The following LHCGR variants were observed in gnomAD, a reference collection of about 807,000 sequenced individuals.
LHCGR encodes luteinizing hormone/choriogonadotropin receptor, also known as lutropin-choriogonadotropic hormone receptor.
In LHCGR, 55 loss-of-function variants were observed where a neutral mutation model predicts 60.7. That is an observed-to-expected ratio of 0.91 (90% CI 0.73 to 1.13). The LOEUF is 1.13. LHCGR is among the 50% of genes most tolerant of loss of function. The probability of loss-of-function intolerance (pLI) is 0.00; values close to 1 mark genes in which losing one functional copy is unlikely to be tolerated. For synonymous variants in LHCGR, 337 were observed against 316.5 expected (o/e 1.06, Z -0.69); for missense variants, 862 against 836.0 (o/e 1.03, Z -0.38).
chr2:48,704,013 T>A (rs1237889156), intron 8 of LHCGR, among the ~76,000 whole-genome samples: 1 of 152,212 alleles, frequency 6.6e-6, no homozygotes, highest in Non-Finnish European at 1.5e-5. Context: ...GGTATGATAT[T>A]GGCTGTGGGT....
At chr2:48,706,134 A>G (rs1399954598) in intron 8 of LHCGR, among the ~76,000 whole-genome samples, 1 of 152,148 alleles carries the variant, frequency 6.6e-6, no homozygotes, top group Non-Finnish European at 1.5e-5. Context: ...AAAGGATTTT[A>G]TTTCTCCTTC....
intron 1 of LHCGR, among the ~76,000 whole-genome samples, chr2:48,736,553 T>A (rs1669214931): frequency 6.6e-6 from 1 of 152,190 alleles, no homozygotes; most frequent in South Asian, 2.1e-4. Context: ...GATTGGGGCT[T>A]GGGCCCCTCT....
chr2:48,695,916 T>C (rs965458632), intron 9 of LHCGR, among the ~76,000 whole-genome samples: 7 of 152,104 alleles, frequency 4.6e-5, no homozygotes, highest in African/African-American at 1.4e-4. Context: ...GAGGCATGGG[T>C]TGAAAACTAT....
chr2:48,715,580 T>A (rs1668210477), intron 6 of LHCGR, among the ~76,000 whole-genome samples: 1 of 152,104 alleles, frequency 6.6e-6, no homozygotes, highest in African/African-American at 2.4e-5. Context: ...CTGCTCCAGG[T>A]AGCTGTTGTC....
chr2:48,718,168 C>G (rs1668345044), intron 6 of LHCGR, among the ~76,000 whole-genome samples: 1 of 152,058 alleles, frequency 6.6e-6, no homozygotes, highest in African/African-American at 2.4e-5. Context: ...AGGATTTTGT[C>G]ACAGGCACAA....
chr2:48,747,552 C>A (rs1242876461), intron 1 of LHCGR, among the ~76,000 whole-genome samples: 1 of 152,160 alleles, frequency 6.6e-6, no homozygotes, highest in Non-Finnish European at 1.5e-5. Flanking sequence ...ATCTTGCTGA[C>A]TGAGCAGATC....
At chr2:48,699,119 C>T (rs1667277662) in intron 8 of LHCGR, among the ~76,000 whole-genome samples, 1 of 152,110 alleles carries the variant, frequency 6.6e-6, no homozygotes, top group African/African-American at 2.4e-5. Context: ...CCACTGCGCC[C>T]GGCCATATTT....
rs555545926 is a variant in LHCGR, at chr2:48,752,100, G to A, written c.161+3411C>T. 1.6e-4 allele frequency among the ~76,000 whole-genome samples: 24 copies of A among 152,206 alleles called. No individual in the cohort carries two copies. The South Asian group carries it at 4.1e-3, about 26-fold the overall frequency. ...TTCTTTCATTTTTTCCCCAATTAAA[G>A]TGAGTGAAATGTGGGAGGTTATATT... On this transcript the variant is annotated intron_variant, in intron 1 of 10. Coordinates refer to ENST00000294954, the MANE Select transcript of LHCGR (RefSeq NM_000233.4).
intron 4 of LHCGR, among the ~76,000 whole-genome samples, chr2:48,725,193 T>TA (rs1668663166): frequency 6.6e-6 from 1 of 152,184 alleles, no homozygotes; most frequent in Non-Finnish European, 1.5e-5. Flanking sequence ...ATTTAGTTTA[T>TA]ATGGCACAGT....
chr2:48,713,922 G>T, intron 7 of LHCGR, 64 bp downstream of exon 7: 2 of 1,239,202 alleles, frequency 1.6e-6, no homozygotes, highest in South Asian at 1.2e-5. Context: ...GATTGAATGT[G>T]ATCTTGTAGC....
chr2:48,693,724 CAG>C (rs2104378269), intron 10 of LHCGR, among the ~76,000 whole-genome samples: 1 of 152,338 alleles, frequency 6.6e-6, no homozygotes, highest in Non-Finnish European at 1.5e-5. Flanking sequence ...GTCAGTAAAA[CAG>C]AGATGTAGCT....
At position 48,754,554 on chromosome 2, in the gene LHCGR, A is replaced by G. The variant is rs561424492; in HGVS notation, c.161+957T>C. 1.1e-4 allele frequency among the ~76,000 whole-genome samples: 17 copies of G among 152,110 alleles called. No homozygotes were observed. In the South Asian group the frequency reaches 3.5e-3, roughly 32 times the overall value. ...ATGCAATTGTTTTTAATATGTTCAC[A>G]CGCAACTGTCTCTACAATCTAATTT... On this transcript the variant is annotated intron_variant, in intron 1 of 10. Transcript: ENST00000294954.
At chr2:48,738,551 A>C (rs1669298784) in intron 1 of LHCGR, among the ~76,000 whole-genome samples, 1 of 152,072 alleles carries the variant, frequency 6.6e-6, no homozygotes, top group South Asian at 2.1e-4. Context: ...CTATCTACAA[A>C]TGTCTCAGCC....
intron 8 of LHCGR, among the ~76,000 whole-genome samples, chr2:48,702,985 C>A (rs908234596): frequency 1.3e-5 from 2 of 152,322 alleles, no homozygotes; most frequent in South Asian, 4.1e-4. Flanking sequence ...GAGATGGTAT[C>A]TCATTGTGGT....
chr2:48,705,151 A>C (rs1375135926), intron 8 of LHCGR, among the ~76,000 whole-genome samples: 1 of 152,218 alleles, frequency 6.6e-6, no homozygotes, highest in Non-Finnish European at 1.5e-5. Context: ...TTATGTACCC[A>C]GTAGTCATTC....
At chr2:48,747,160 G>A (rs1279646854) in intron 1 of LHCGR, among the ~76,000 whole-genome samples, 1 of 151,860 alleles carries the variant, frequency 6.6e-6, no homozygotes, top group Non-Finnish European at 1.5e-5. Flanking sequence ...TGCGATCTCG[G>A]TTCACTGCAA....
Position 48,755,719 on chromosome 2 carries a change from C to T in LHCGR, c.-48G>A, listed in dbSNP as rs1433071698. 3.3e-6 allele frequency: 5 copies of T among 1,532,700 alleles called. No individual in the cohort carries two copies. Among genetic ancestry groups the T allele is most frequent in the Non-Finnish European group, 4.4e-6 (5 of 1,146,086 alleles). 94.9% of individuals were successfully genotyped at this position (1,532,700 alleles called of 1,614,324 possible). A position where few individuals can be genotyped will look rare whatever the true frequency, so the allele number is the denominator to read the frequency against. On this transcript the variant is annotated 5_prime_UTR_variant, in exon 1 of 11. Coordinates refer to ENST00000294954, the MANE Select transcript of LHCGR (RefSeq NM_000233.4). The stretch of plus-strand genomic sequence containing the variant: ...GGCTTGCCAGTGTCTTGGACGGCCT[C>T]TGAGTGCGGCCCGCACCCCTCTCCC...
At position 48,687,824 on chromosome 2, in the gene LHCGR, G is replaced by T; in HGVS notation, c.1973C>A (p.Ala658Asp). The change falls in exon 11 of 11, where the codon GCT becomes GAT. Residue 658 changes from alanine to aspartate, a missense_variant. Coordinates refer to ENST00000294954, the MANE Select transcript of LHCGR (RefSeq NM_000233.4). ...AELYRRKDFS[A>D]YTSNCKNGFT... Reference sequence around the variant, plus strand: ...GCCATTTTTGCAGTTGGAGGTGTAAGCTGAAAAATCTTTCCTTCTATAAAG... The same window carrying T: ...GCCATTTTTGCAGTTGGAGGTGTAATCTGAAAAATCTTTCCTTCTATAAAG... The T allele has an allele frequency of 6.2e-7, 1 of 1,614,186 alleles. No homozygotes were observed. The highest frequency in any genetic ancestry group is 8.5e-7 in the Non-Finnish European group (1 of 1,180,034).
At chr2:48,748,518 A>T (rs1457604610) in intron 1 of LHCGR, among the ~76,000 whole-genome samples, 1 of 152,166 alleles carries the variant, frequency 6.6e-6, no homozygotes, top group Non-Finnish European at 1.5e-5. Flanking sequence ...CTGTTTTGGG[A>T]TTCTAACTTA....
Sources: allele counts gnomAD v4.1 joint callset (sites outside exome capture counted in the v4.1 genomes callset), GRCh38; gene constraint gnomAD v4.1.1; transcripts MANE v1.5; gene names NCBI Gene and HGNC (gene_info 2026-07-23, HGNC 2026-07-21).